Variants in FBXL4 observed in about 807,000 individuals in gnomAD.
FBXL4 encodes F-box/LRR-repeat protein 4.
FBXL4 carries 40 observed loss-of-function variants against 58.9 expected under a neutral mutation model. That is an observed-to-expected ratio of 0.68 (90% CI 0.53 to 0.88). FBXL4 has a LOEUF of 0.88. Among genes scored for constraint, FBXL4 ranks in the 40% least tolerant of loss-of-function variants. FBXL4 has a pLI of 0.00. For synonymous variants in FBXL4, 263 were observed against 265.5 expected (o/e 0.99, Z 0.09); for missense variants, 676 against 734.4 (o/e 0.92, Z 0.92).
intron 8 of FBXL4, among the ~76,000 whole-genome samples, chr6:98,879,743 C>T (rs927192443): frequency 7.0e-6 from 1 of 143,854 alleles, no homozygotes; most frequent in African/African-American, 2.5e-5. Flanking sequence ...AAACCCAAGA[C>T]CAGCCTGACC....
At position 98,874,318 on chromosome 6, in the gene FBXL4, C is replaced by T. The variant is rs371875653; in HGVS notation, c.1826G>A (p.Ser609Asn). 1.9e-5 allele frequency: 30 copies of T among 1,607,354 alleles called. No homozygotes were observed. The highest frequency in any genetic ancestry group is 2.5e-5 in the Non-Finnish European group (30 of 1,178,260). Residue 609 changes from serine to asparagine, a missense_variant, in exon 10 of 10, where the codon AGC becomes AAC. By Grantham distance (46) the Ser-to-Asn change is conservative. Coordinates refer to ENST00000369244, the MANE Select transcript of FBXL4 (RefSeq NM_001278716.2). ...DNRAVLELNA[S>N]FPKVFIKKSF... ...CTTTTTTATGAACACTTTTGGAAAGCTTGCATTCAGTTCTAGCACAGCTCT... is the reference window on the plus strand; with the variant it reads ...CTTTTTTATGAACACTTTTGGAAAGTTTGCATTCAGTTCTAGCACAGCTCT...
At chr6:98,887,198 C>A (rs1445471654) in intron 7 of FBXL4, among the ~76,000 whole-genome samples, 1 of 152,082 alleles carries the variant, frequency 6.6e-6, no homozygotes, top group East Asian at 1.9e-4. Context: ...ACCAGGAGGT[C>A]AAGGCTGCAA....
intron 1 of FBXL4, among the ~76,000 whole-genome samples, chr6:98,937,614 GAA>G (rs1773270438): frequency 6.6e-6 from 1 of 152,160 alleles, no homozygotes; most frequent in Non-Finnish European, 1.5e-5. Context: ...GATACAGGGT[GAA>G]AGTGATGGAG....
chr6:98,895,894 C>T (rs1471569124), intron 7 of FBXL4, among the ~76,000 whole-genome samples: 1 of 151,958 alleles, frequency 6.6e-6, no homozygotes, highest in Non-Finnish European at 1.5e-5. Flanking sequence ...AGTATTGTAT[C>T]ATAAACTGGT....
rs931539410 is a variant in FBXL4, at chr6:98,876,057, C to G, written c.1390-330G>C. 1.5e-3 allele frequency among the ~76,000 whole-genome samples: 226 copies of G among 152,276 alleles called. 1 individual carries two copies. The highest frequency in any genetic ancestry group is 5.2e-3 in the African/African-American group (217 of 41,546). On this transcript the variant is annotated intron_variant, in intron 8 of 9. Coordinates refer to ENST00000369244, the MANE Select transcript of FBXL4 (RefSeq NM_001278716.2). ...TTTTATGCCCACCATTTCAACCTTG[C>G]TGCTGCTACTCATTGACAGCACCTA...
In FBXL4 at chr6:98,917,574, A is replaced by G; in HGVS notation, c.658T>C (p.Leu220=). 6.2e-7 allele frequency: 1 copy of G among 1,614,016 alleles called. No homozygotes were observed. The highest frequency in any genetic ancestry group is 8.5e-7 in the Non-Finnish European group (1 of 1,179,904). Residue 220 remains leucine, a synonymous_variant, in exon 5 of 10, where the codon TTA becomes CTA. Transcript: ENST00000369244. ...ACACCATGTAGCACAACTGCATCTA[A>G]TTCAGTGTAATATTCCAGAAGAGAA... ...NSSLLEYYTE[L]DAVVLHGVKD...
intron 1 of FBXL4, among the ~76,000 whole-genome samples, chr6:98,941,752 G>C (rs1315617122): frequency 1.3e-5 from 2 of 152,130 alleles, no homozygotes; most frequent in Non-Finnish European, 2.9e-5. Context: ...ACATAGATCT[G>C]CATTTATATG....
intron 2 of FBXL4, among the ~76,000 whole-genome samples, chr6:98,928,442 C>A (rs1772876672): frequency 6.6e-6 from 1 of 151,950 alleles, no homozygotes; most frequent in South Asian, 2.1e-4. Flanking sequence ...GATTCTCATG[C>A]CTCATCCTCC....
rs1237988523 is a variant in FBXL4, at chr6:98,939,100, A to AAG, written c.-308-4222_-308-4221insCT. On this transcript the variant is annotated intron_variant, in intron 1 of 9. Coordinates refer to ENST00000369244, the MANE Select transcript of FBXL4 (RefSeq NM_001278716.2). ...CAAAAAAAAAAAAAAAAAAAAAAAA[A>AAG]AAGAGAAGAGAAAGGAAAAGACAAG... Among the ~76,000 whole-genome samples, 3 of 150,082 alleles carry AAG rather than the reference A, an allele frequency of 2.0e-5. No homozygotes were observed. In the East Asian group the frequency reaches 5.8e-4, roughly 29 times the overall value.
chr6:98,881,695 G>T (rs1770860290), intron 7 of FBXL4, among the ~76,000 whole-genome samples: 1 of 151,564 alleles, frequency 6.6e-6, no homozygotes, highest in African/African-American at 2.4e-5. Flanking sequence ...GGCCACAGAG[G>T]ACTATTATAC....
intron 4 of FBXL4, among the ~76,000 whole-genome samples, chr6:98,925,908 T>C (rs1012924547): frequency 2.6e-5 from 4 of 152,154 alleles, no homozygotes; most frequent in African/African-American, 4.8e-5. Flanking sequence ...ATTAATATTT[T>C]GTAAAATTAG....
At chr6:98,887,713 C>A (rs1403146602) in intron 7 of FBXL4, among the ~76,000 whole-genome samples, 1 of 152,126 alleles carries the variant, frequency 6.6e-6, no homozygotes, top group African/African-American at 2.4e-5. Flanking sequence ...GACGTGAGAT[C>A]AAATGCTGAG....
Position 98,899,361 on chromosome 6 carries a change from G to C in FBXL4, c.1224C>G (p.Leu408=), listed in dbSNP as rs771478220. 1.2e-6 allele frequency: 2 copies of C among 1,613,848 alleles called. No individual in the cohort carries two copies. Among genetic ancestry groups the C allele is most frequent in the African/African-American group, 1.3e-5 (1 of 74,910 alleles). ...EMCPNLQALN[L]SSCDKLPPQA... is the part of the protein sequence containing the mutation. ...GAGGTGGTAGCTTATCACAGGAGGA[G>C]AGATTTAAGGCCTGTAGATTTGGAC... The change falls in exon 7 of 10, where the codon CTC becomes CTG. Residue 408 remains leucine (L), a synonymous_variant. Transcript: ENST00000369244.
chr6:98,931,130 A>T (rs1047502122), intron 2 of FBXL4, among the ~76,000 whole-genome samples: 1 of 152,332 alleles, frequency 6.6e-6, no homozygotes, highest in Admixed American at 6.5e-5. Flanking sequence ...CGGTCTATAA[A>T]TTGCTTCAAC....
At chr6:98,942,530 G>C (rs912252914) in intron 1 of FBXL4, among the ~76,000 whole-genome samples, 4 of 151,912 alleles carry the variant, frequency 2.6e-5, no homozygotes, top group African/African-American at 9.7e-5. Context: ...AGCATATAGC[G>C]CATCCCCCAC....
In FBXL4 at chr6:98,868,799, A is replaced by G. The variant is rs1218402776; in HGVS notation, c.*5479T>C. 1 of 152,212 alleles carries G rather than the reference A, an allele frequency of 6.6e-6. No homozygotes were observed. The highest frequency in any genetic ancestry group is 1.5e-5 in the Non-Finnish European group (1 of 68,042). 9.4% of individuals were successfully genotyped at this position (152,212 alleles called of 1,614,324 possible). On this transcript the variant is annotated 3_prime_UTR_variant, in exon 10 of 10. Coordinates refer to ENST00000369244, the MANE Select transcript of FBXL4 (RefSeq NM_001278716.2). ...AATTACTTTACCAAATACATAGATT[A>G]AAATATCCCTAAATGTCAATTTTAG...
At chr6:98,911,314 T>G (rs1772054906) in intron 5 of FBXL4, among the ~76,000 whole-genome samples, 1 of 152,174 alleles carries the variant, frequency 6.6e-6, no homozygotes, top group South Asian at 2.1e-4. Flanking sequence ...TCTGACACCT[T>G]TGAGGAGAGC....
At position 98,896,328 on chromosome 6, in the gene FBXL4, G is replaced by A. The variant is rs549559527; in HGVS notation, c.1317+2940C>T. 3.3e-5 allele frequency among the ~76,000 whole-genome samples: 5 copies of A among 152,268 alleles called. No homozygotes were observed. The South Asian group carries it at 1.0e-3, about 32-fold the overall frequency. On this transcript the variant is annotated intron_variant, in intron 7 of 9. Coordinates refer to ENST00000369244, the MANE Select transcript of FBXL4 (RefSeq NM_001278716.2). ...AACGCTTTGCTTAAGTGACAATGGA[G>A]GTGTTTACAGATTGCCATGAATACT...
At chr6:98,942,409 T>C (rs1773465626) in intron 1 of FBXL4, among the ~76,000 whole-genome samples, 1 of 152,124 alleles carries the variant, frequency 6.6e-6, no homozygotes, top group Non-Finnish European at 1.5e-5. Context: ...TCCCCAGTGC[T>C]GGAGGTGGGG....
Sources: allele counts gnomAD v4.1 joint callset (sites outside exome capture counted in the v4.1 genomes callset), GRCh38; gene constraint gnomAD v4.1.1; transcripts MANE v1.5; gene names NCBI Gene and HGNC (gene_info 2026-07-23, HGNC 2026-07-21).